SULT1E1: variants seen among roughly 807,000 people sequenced by gnomAD.
SULT1E1 encodes the protein sulfotransferase family 1E member 1, also known as sulfotransferase 1E1.
Under a neutral mutation model 33.6 loss-of-function variants are expected in SULT1E1, and 36 were observed. That is an observed-to-expected ratio of 1.07 (90% CI 0.82 to 1.41). The LOEUF is 1.41. SULT1E1 is among the 40% of genes most tolerant of loss of function. The probability of loss-of-function intolerance (pLI) is 0.00; values close to 1 mark genes in which losing one functional copy is unlikely to be tolerated. For missense variants in SULT1E1, 371 were observed against 345.7 expected, an observed-to-expected ratio of 1.07 and a Z score of -0.58; for synonymous variants, 121 against 111.7, an observed-to-expected ratio of 1.08 and a Z score of -0.53.
At chr4:69,854,356 G>A in intron 3 of SULT1E1, 42 bp from the exon 4 acceptor site, 3 of 1,296,798 alleles carry the variant, frequency 2.3e-6, no homozygotes, top group Middle Eastern at 1.9e-4. Flanking sequence ...TTCAAAAATT[G>A]TAACTATTTA....
chr4:69,822,198 T>C, the SULT1E1 span, among the ~76,000 whole-genome samples: 1 of 152,208 alleles, frequency 6.6e-6, no homozygotes, highest in Non-Finnish European at 1.5e-5. Context: ...ATGAAACAGA[T>C]CAGGGTAACT....
rs761006212 is a variant in SULT1E1 at position 69,841,972 on chromosome 4, T to C, written c.*22A>G. 1 of 1,270,114 alleles carries C rather than the reference T, an allele frequency of 7.9e-7. No individual in the cohort carries two copies. Among genetic ancestry groups the C allele is most frequent in the Non-Finnish European group, 1.1e-6 (1 of 886,498 alleles). The allele number at this position is 1,270,114 out of a possible 1,614,324, so 78.7% of individuals were successfully genotyped here. A position where few individuals can be genotyped will look rare whatever the true frequency, so the allele number is the denominator to read the frequency against. On this transcript the variant is annotated 3_prime_UTR_variant, in exon 8 of 8. Transcript: ENST00000226444. ...GAAAAGAAATCTTTAATATCAGATA[T>C]GTTAAGTAAAGAAAGACCTTCTTAG...
At position 69,844,236 on chromosome 4, in the gene SULT1E1, T is replaced by C. The variant is rs1560554082; in HGVS notation, c.697A>G (p.Asn233Asp). 6.2e-7 allele frequency: 1 copy of C among 1,614,006 alleles called. No homozygotes were observed. Among genetic ancestry groups the C allele is most frequent in the Non-Finnish European group, 8.5e-7 (1 of 1,179,908 alleles). ...GTTGTGTAATTTGTGGATGGATTGTTCTTCATCTCTTGGAACGAAGTATGA... is the reference window on the plus strand; with the variant it reads ...GTTGTGTAATTTGTGGATGGATTGTCCTTCATCTCTTGGAACGAAGTATGA... ...IHHTSFQEMK[N>D]NPSTNYTTLP... Residue 233 changes from asparagine to aspartate, a missense_variant, in exon 7 of 8, where the codon AAC (asparagine) becomes GAC (aspartate). Coordinates refer to ENST00000226444, the MANE Select transcript of SULT1E1 (RefSeq NM_005420.3).
downstream of SULT1E1, chr4:69,838,533 T>C (rs1412645223): frequency 1.3e-5 from 2 of 152,202 alleles, no homozygotes; most frequent in Admixed American, 6.5e-5. Flanking sequence ...GGAGGTCTTT[T>C]ATGACGCTGT....
intron 7 of SULT1E1, among the ~76,000 whole-genome samples, chr4:69,843,612 G>T (rs910179703): frequency 2.6e-5 from 4 of 151,978 alleles, no homozygotes; most frequent in African/African-American, 9.7e-5. Flanking sequence ...TTGTTAACTG[G>T]CTATATCTCA....
chr4:69,849,451 A>T lies in SULT1E1; in HGVS notation c.482T>A (p.Phe161Tyr). 1 of 1,611,622 alleles carries T rather than the reference A, an allele frequency of 6.2e-7. No homozygotes were observed. Among genetic ancestry groups the T allele is most frequent in the Non-Finnish European group, 8.5e-7 (1 of 1,178,194 alleles). The change falls in exon 5 of 8, where the codon TTC (phenylalanine) becomes TAC (tyrosine). Residue 161 changes from phenylalanine to tyrosine, a missense_variant. Phe to Tyr is a conservative substitution (Grantham distance 22, BLOSUM62 3). Coordinates refer to ENST00000226444, the MANE Select transcript of SULT1E1 (RefSeq NM_005420.3). ...PGSFPEFVEK[F>Y]MQGQVPYGSW... ...GCTGTTCCTACCCTGTCCTTGCATG[A>T]ATTTCTCCACAAACTCTGGAAAGGA...
the SULT1E1 span, among the ~76,000 whole-genome samples, chr4:69,834,280 A>T: frequency 1.8e-4 from 27 of 152,314 alleles, no homozygotes; most frequent in East Asian, 3.1e-3. Flanking sequence ...AATTTGACAC[A>T]TTCAAAATTG....
intron 6 of SULT1E1, 122 bp downstream of exon 6, chr4:69,847,576 T>C: frequency 1.8e-6 from 1 of 559,904 alleles, no homozygotes; most frequent in South Asian, 3.2e-5. Flanking sequence ...GGTCCTTTCC[T>C]TTTAAAAATT....
chr4:69,836,443 C>T (rs766773770), downstream of SULT1E1, among the ~76,000 whole-genome samples: 6 of 152,134 alleles, frequency 3.9e-5, no homozygotes, highest in Non-Finnish European at 7.4e-5. Context: ...CAAGTGTAGT[C>T]AAGAAGTAGG....
intron 6 of SULT1E1, among the ~76,000 whole-genome samples, chr4:69,845,953 T>A (rs1313290112): frequency 2.0e-5 from 3 of 150,844 alleles, no homozygotes; most frequent in African/African-American, 7.3e-5. Context: ...TTTATGATTT[T>A]ATTTTAAATA....
At chr4:69,859,727 C>T (rs1478823109) in intron 1 of SULT1E1, among the ~76,000 whole-genome samples, 2 of 152,078 alleles carry the variant, frequency 1.3e-5, no homozygotes, top group African/African-American at 4.8e-5. Context: ...TATTCTACCT[C>T]CTTCTACCCT....
the SULT1E1 span, among the ~76,000 whole-genome samples, chr4:69,829,569 G>A: frequency 6.6e-6 from 1 of 152,158 alleles, no homozygotes; most frequent in Non-Finnish European, 1.5e-5. Context: ...TAACACCATA[G>A]CCTATGGGTG....
rs1381627195 is a variant in SULT1E1, at chr4:69,854,262, C to A, written c.324G>T (p.Leu108Phe). The A allele has an allele frequency of 1.2e-6, 2 of 1,611,844 alleles. No homozygotes were observed. Among genetic ancestry groups the A allele is most frequent in the Admixed American group, 3.3e-5 (2 of 59,930 alleles). The part of the protein sequence containing the change: ...MNSPRIVKTH[L>F]PPELLPASFW... ...ATGAGGCAGGAAGAAGTTCAGGTGGCAAATGAGTCTTCACAATTCTAGGAG... is the reference window on the plus strand; with the variant it reads ...ATGAGGCAGGAAGAAGTTCAGGTGGAAAATGAGTCTTCACAATTCTAGGAG... The change falls in exon 4 of 8, where the codon TTG becomes TTT. Residue 108 changes from leucine (L) to phenylalanine (F), a missense_variant. By Grantham distance (22) the Leu-to-Phe change is conservative (BLOSUM62 0). Coordinates refer to ENST00000226444, the MANE Select transcript of SULT1E1 (RefSeq NM_005420.3).
chr4:69,856,174 G>C (rs572919950), intron 2 of SULT1E1, among the ~76,000 whole-genome samples: 54 of 152,294 alleles, frequency 3.5e-4, no homozygotes, highest in African/African-American at 1.3e-3. Flanking sequence ...GAATGGTATA[G>C]TGGTTCGGAA....
the SULT1E1 span, among the ~76,000 whole-genome samples, chr4:69,827,473 T>A: frequency 1.3e-5 from 2 of 152,160 alleles, no homozygotes; most frequent in African/African-American, 4.8e-5. Flanking sequence ...AAATATTCAA[T>A]GATGTCTACC....
rs1337948815 is a variant in SULT1E1, at chr4:69,857,628, T to C, written c.17A>G (p.Asp6Gly). Residue 6 changes from aspartate (D) to glycine (G), a missense_variant, in exon 2 of 8, where the codon GAC becomes GGC. Physicochemically the swap from Asp to Gly is moderately conservative, Grantham distance 94. Transcript: ENST00000226444. ...GACTTCTTCAAACTTTTCATAATAG[T>C]CAAGTTCAGAATTCATTGTGGTACA... MNSELDYYEKFEEVHG... is the reference protein window; with the variant it reads MNSELGYYEKFEEVHG... 2.5e-6 allele frequency: 4 copies of C among 1,602,838 alleles called. No individual in the cohort carries two copies. In the African/African-American group the frequency reaches 5.4e-5, roughly 22 times the overall value.
At chr4:69,853,007 G>A (rs1024129445) in intron 4 of SULT1E1, among the ~76,000 whole-genome samples, 2 of 152,086 alleles carry the variant, frequency 1.3e-5, no homozygotes, top group African/African-American at 4.8e-5. Context: ...TCAGCAGGAC[G>A]TATATCGTCT....
chr4:69,854,396 G>C (rs1181214136), intron 3 of SULT1E1, 82 bp from the exon 4 acceptor site: 1 of 842,054 alleles, frequency 1.2e-6, no homozygotes, highest in Non-Finnish European at 1.8e-6. Context: ...TTGTAAAATA[G>C]AAGTAATTCT....
chr4:69,844,440 G>T, intron 6 of SULT1E1, 99 bp from the exon 7 acceptor site: 1 of 853,226 alleles, frequency 1.2e-6, no homozygotes, highest in Non-Finnish European at 1.7e-6. Context: ...TTCTCCTACT[G>T]ATATTAGAAT....
Sources: allele counts gnomAD v4.1 joint callset (sites outside exome capture counted in the v4.1 genomes callset), GRCh38; gene constraint gnomAD v4.1.1; transcripts MANE v1.5; gene names NCBI Gene and HGNC (gene_info 2026-07-23, HGNC 2026-07-21).